Variants in ENTREP1 observed in about 807,000 individuals in gnomAD.
ENTREP1 encodes the protein endosomal transmembrane epsin interactor 1, also known as Friedreich ataxia region gene X123.
At chr9:69,372,972 T>A in the ENTREP1 span, among the ~76,000 whole-genome samples, 1 of 152,176 alleles carries the variant, frequency 6.6e-6, no homozygotes, top group Non-Finnish European at 1.5e-5. Flanking sequence ...GCTATTTGTA[T>A]GTCTTCATTA....
At chr9:69,348,013 G>A in the ENTREP1 span, among the ~76,000 whole-genome samples, 1 of 152,124 alleles carries the variant, frequency 6.6e-6, no homozygotes, top group Non-Finnish European at 1.5e-5. Flanking sequence ...TGACTTTGAT[G>A]TATATGTTTA....
At chr9:69,345,350 A>G in the ENTREP1 span, among the ~76,000 whole-genome samples, 1 of 152,220 alleles carries the variant, frequency 6.6e-6, no homozygotes, top group Non-Finnish European at 1.5e-5. Context: ...AAGAAAGAGT[A>G]TAGATTTGGG....
At chr9:69,364,304 A>G in the ENTREP1 span, among the ~76,000 whole-genome samples, 4 of 152,202 alleles carry the variant, frequency 2.6e-5, no homozygotes, top group African/African-American at 9.6e-5. Flanking sequence ...CACAGCAAAC[A>G]AGTGGGAAAG....
chr9:69,336,357 G>A, the ENTREP1 span: 1 of 768,294 alleles, frequency 1.3e-6, no homozygotes, highest in South Asian at 1.7e-5. Flanking sequence ...AAATGCTTAA[G>A]CTTCCTTGTT....
the ENTREP1 span, among the ~76,000 whole-genome samples, chr9:69,364,893 T>G: frequency 6.6e-6 from 1 of 152,148 alleles, no homozygotes; most frequent in Non-Finnish European, 1.5e-5. Context: ...GGAGTGGCAT[T>G]CTAATGATTT....
the ENTREP1 span, among the ~76,000 whole-genome samples, chr9:69,376,634 AAG>A: frequency 2.6e-5 from 4 of 152,142 alleles, no homozygotes; most frequent in Non-Finnish European, 5.9e-5. Flanking sequence ...TCTCCAAGGA[AAG>A]AGAGAACTGT....
At chr9:69,341,544 A>G in the ENTREP1 span, among the ~76,000 whole-genome samples, 1 of 152,166 alleles carries the variant, frequency 6.6e-6, no homozygotes, top group Non-Finnish European at 1.5e-5. Context: ...TTCTGCTCAC[A>G]AAGCCATTTG....
the ENTREP1 span, chr9:69,385,848 A>C: frequency 6.2e-7 from 1 of 1,602,432 alleles, no homozygotes; most frequent in South Asian, 1.1e-5. Flanking sequence ...CTCAACTCCC[A>C]GTTCAACCCT....
At chr9:69,383,424 T>G in the ENTREP1 span, 5 of 1,422,602 alleles carry the variant, frequency 3.5e-6, no homozygotes, top group Non-Finnish European at 3.7e-6. Flanking sequence ...GGTTGCATTT[T>G]ATACACTGTC....
the ENTREP1 span, among the ~76,000 whole-genome samples, chr9:69,366,706 A>G: frequency 1.3e-5 from 2 of 151,664 alleles, no homozygotes; most frequent in South Asian, 4.2e-4. Flanking sequence ...TTTTGAGTTG[A>G]TTTTTGTATA....
the ENTREP1 span, chr9:69,380,450 C>G: frequency 6.6e-6 from 1 of 152,192 alleles, no homozygotes; most frequent in Non-Finnish European, 1.5e-5. Context: ...CAGAGGCTCC[C>G]CATTTCCTGT....
At chr9:69,375,348 A>G in the ENTREP1 span, among the ~76,000 whole-genome samples, 1 of 152,212 alleles carries the variant, frequency 6.6e-6, no homozygotes, top group Admixed American at 6.5e-5. Flanking sequence ...ATCAGAGTGC[A>G]TTGTGTTGGG....
chr9:69,344,089 A>C, the ENTREP1 span, among the ~76,000 whole-genome samples: 1 of 152,236 alleles, frequency 6.6e-6, no homozygotes, highest in Non-Finnish European at 1.5e-5. Flanking sequence ...TCCTGCATCC[A>C]GGTTGTCTGA....
chr9:69,391,832 G>C, the ENTREP1 span: 15 of 1,552,486 alleles, frequency 9.7e-6, no homozygotes, highest in Non-Finnish European at 1.3e-5. Flanking sequence ...GCCACTCCAA[G>C]GGGAAGGATC....
chr9:69,350,252 A>T, the ENTREP1 span, among the ~76,000 whole-genome samples: 6 of 152,272 alleles, frequency 3.9e-5, no homozygotes, highest in African/African-American at 1.4e-4. Context: ...TAATTTTTGC[A>T]TATGGTGTGA....
chr9:69,325,033 A>G, the ENTREP1 span: 1 of 985,282 alleles, frequency 1.0e-6, no homozygotes, highest in Non-Finnish European at 1.2e-6. Context: ...TTGCCCCGGC[A>G]CAGCGCGAGC....
At chr9:69,340,637 G>GTGTGTGTGTGCA in the ENTREP1 span, among the ~76,000 whole-genome samples, 1 of 39,554 alleles carries the variant, frequency 2.5e-5, no homozygotes, top group African/African-American at 8.4e-5. Flanking sequence ...GTGTGTGTGC[G>GTGTGTGTGTGCA]TGCATGTGTG....
At chr9:69,377,721 G>C in the ENTREP1 span, 8 of 1,613,594 alleles carry the variant, frequency 5.0e-6, no homozygotes, top group Admixed American at 1.3e-4. Flanking sequence ...CGTTTTACTC[G>C]TGCACACCCC....
At chr9:69,365,332 G>A in the ENTREP1 span, among the ~76,000 whole-genome samples, 1 of 152,034 alleles carries the variant, frequency 6.6e-6, no homozygotes, top group Admixed American at 6.6e-5. Flanking sequence ...CTTTAAGTAA[G>A]TGAAATCATA....
Sources: allele counts gnomAD v4.1 joint callset (sites outside exome capture counted in the v4.1 genomes callset), GRCh38; gene constraint gnomAD v4.1.1; transcripts MANE v1.5; gene names NCBI Gene and HGNC (gene_info 2026-07-23, HGNC 2026-07-21).